Variants in KCNMA1 observed in about 807,000 individuals in gnomAD.
KCNMA1 encodes the protein potassium calcium-activated channel subfamily M alpha 1.
KCNMA1 carries 29 observed loss-of-function variants against 140.0 expected under a neutral mutation model. That is an observed-to-expected ratio of 0.21 (90% confidence interval 0.15 to 0.28). The LOEUF (loss-of-function observed/expected upper bound fraction) is 0.28, where lower values mean the gene tolerates loss of function less well. Among genes scored for constraint, KCNMA1 ranks in the 10% least tolerant of loss-of-function variants. The pLI is 1.00. For missense variants in KCNMA1, 880 were observed against 1,602.2 expected (o/e 0.55, Z 7.70); for synonymous variants, 612 against 611.9 (o/e 1.00, Z 0.00).
chr10:77,049,816 A>G (rs2095288072), intron 14 of KCNMA1, among the ~76,000 whole-genome samples: 1 of 152,224 alleles, frequency 6.6e-6, no homozygotes, highest in South Asian at 2.1e-4. Flanking sequence ...ACCAGGGAGT[A>G]TGTATAACTG....
chr10:77,351,719 C>A (rs1479694408), intron 2 of KCNMA1, among the ~76,000 whole-genome samples: 1 of 152,150 alleles, frequency 6.6e-6, no homozygotes, highest in Non-Finnish European at 1.5e-5. Context: ...TGGAGGGTCC[C>A]CAAGAGATCC....
rs749211698 is a variant in KCNMA1 at position 77,120,989 on chromosome 10, T to G, written c.868A>C (p.Asn290His). The change falls in exon 6 of 28, where the codon AAT (asparagine) becomes CAT (histidine). Residue 290 changes from asparagine (N) to histidine (H), a missense_variant. By Grantham distance (68) the Asn-to-His change is moderately conservative. Transcript: ENST00000286628. ...ACATCTTACCTTGTTTTAAGAATAT[T>G]CAGAAACTGCAAAATTTCTGAAAAC... ...IQFSEILQFL[N>H]ILKTSNSIKL... The G allele has an allele frequency of 3.1e-6, 5 of 1,599,784 alleles. No individual in the cohort carries two copies. Among genetic ancestry groups the G allele is most frequent in the Non-Finnish European group, 4.3e-6 (5 of 1,167,762 alleles).
intron 1 of KCNMA1, among the ~76,000 whole-genome samples, chr10:77,567,879 C>T (rs2068956436): frequency 6.6e-6 from 1 of 152,194 alleles, no homozygotes; most frequent in African/African-American, 2.4e-5. Flanking sequence ...ACTGCTTGAG[C>T]TCAGGAGTCC....
intron 2 of KCNMA1, among the ~76,000 whole-genome samples, chr10:77,384,017 A>G (rs1427468222): frequency 6.6e-6 from 1 of 152,200 alleles, no homozygotes; most frequent in East Asian, 1.9e-4. Flanking sequence ...GTGCGTCACC[A>G]TCAGCTCTCT....
At chr10:77,502,502 T>C (rs1170867146) in intron 1 of KCNMA1, among the ~76,000 whole-genome samples, 1 of 152,140 alleles carries the variant, frequency 6.6e-6, no homozygotes, top group Non-Finnish European at 1.5e-5. Flanking sequence ...TTTTCCATCC[T>C]GGATACTCTA....
intron 1 of KCNMA1, among the ~76,000 whole-genome samples, chr10:77,426,474 C>T (rs543814168): frequency 6.6e-6 from 1 of 152,176 alleles, no homozygotes; most frequent in Non-Finnish European, 1.5e-5. Flanking sequence ...AGGTGAACGA[C>T]TCGAGGTCAC....
intron 20 of KCNMA1, among the ~76,000 whole-genome samples, chr10:76,957,127 CAAAAAAAAAA>C (rs569115924): frequency 2.8e-5 from 2 of 71,372 alleles, no homozygotes; most frequent in Non-Finnish European, 4.9e-5. Context: ...GACTCTGTCT[CAAAAAAAAAA>C]AAAAAAAAAA....
chr10:77,011,225 C>T (rs1230209536), intron 18 of KCNMA1, among the ~76,000 whole-genome samples: 1 of 152,178 alleles, frequency 6.6e-6, no homozygotes, highest in African/African-American at 2.4e-5. Flanking sequence ...CTTCTCAAAG[C>T]AAAGACCACT....
chr10:77,297,217 C>T (rs762715773), intron 2 of KCNMA1, among the ~76,000 whole-genome samples: 9 of 152,194 alleles, frequency 5.9e-5, no homozygotes, highest in Non-Finnish European at 8.8e-5. Flanking sequence ...TTCCCACTGT[C>T]TCTTGTCCCA....
chr10:77,136,236 A>T (rs1439275164), intron 5 of KCNMA1, among the ~76,000 whole-genome samples: 1 of 152,254 alleles, frequency 6.6e-6, no homozygotes. Context: ...AGCAAGAAAA[A>T]TAGAAAGCAG....
chr10:77,352,501 T>C (rs1379850612), intron 2 of KCNMA1, among the ~76,000 whole-genome samples: 1 of 152,210 alleles, frequency 6.6e-6, no homozygotes, highest in East Asian at 1.9e-4. Context: ...ACTCAAAAGG[T>C]GGCTAATGCA....
At chr10:77,090,152 C>T (rs1469393631) in intron 10 of KCNMA1, among the ~76,000 whole-genome samples, 2 of 152,152 alleles carry the variant, frequency 1.3e-5, no homozygotes, top group Non-Finnish European at 2.9e-5. Context: ...GAGATAAACT[C>T]GGATGTGGTC....
intron 1 of KCNMA1, among the ~76,000 whole-genome samples, chr10:77,580,188 T>C (rs935869708): frequency 1.5e-4 from 23 of 152,210 alleles, no homozygotes; most frequent in African/African-American, 5.3e-4. Flanking sequence ...GAGACCATCT[T>C]GGCTAACATA....
chr10:77,031,795 T>C (rs1001980741), intron 15 of KCNMA1, among the ~76,000 whole-genome samples: 1 of 152,230 alleles, frequency 6.6e-6, no homozygotes, highest in Non-Finnish European at 1.5e-5. Flanking sequence ...GAGTTTTTCC[T>C]GTACAGGATG....
Position 76,891,826 on chromosome 10 carries a change from T to C in KCNMA1, c.3148-107A>G, listed in dbSNP as rs1393054361. The C allele has an allele frequency of 1.3e-5, 11 of 859,638 alleles. No individual in the cohort carries two copies. The Admixed American group carries it at 1.6e-4, about 12-fold the overall frequency. The allele number at this position is 859,638 out of a possible 1,614,324, so 53.3% of individuals were successfully genotyped here. A position where few individuals can be genotyped will look rare whatever the true frequency, so the allele number is the denominator to read the frequency against. On this transcript the variant is annotated intron_variant, in intron 25 of 27. Transcript: ENST00000286628. ...TTTCTTGGTATCTCCTGTTTAAAGT[T>C]CTGGCCTGTCTCTTCAAATAATTTC... is the stretch of plus-strand genomic sequence containing the variant.
chr10:77,432,795 C>T (rs1371518859), intron 1 of KCNMA1, among the ~76,000 whole-genome samples: 1 of 152,136 alleles, frequency 6.6e-6, no homozygotes, highest in Admixed American at 6.5e-5. Flanking sequence ...TAAAAAACTA[C>T]CAAACAGGTT....
chr10:77,561,624 G>A (rs1328928039), intron 1 of KCNMA1, among the ~76,000 whole-genome samples: 3 of 152,134 alleles, frequency 2.0e-5, no homozygotes, highest in Non-Finnish European at 2.9e-5. Context: ...AGCTCTCCAC[G>A]TACACCAGAG....
At chr10:77,635,617 G>C (rs1053065436) in intron 1 of KCNMA1, 1 of 152,234 alleles carries the variant, frequency 6.6e-6, no homozygotes, top group Non-Finnish European at 1.5e-5. Context: ...AGGAAGGCTA[G>C]TCAGGGATCT....
chr10:77,108,688 G>T lies in KCNMA1; in HGVS notation c.1132-116C>A. On this transcript the variant is annotated intron_variant, in intron 8 of 27. Coordinates refer to ENST00000286628, the MANE Select transcript of KCNMA1 (RefSeq NM_001161352.2). This position sits in a 1 kb window ranked among gnomAD's most constrained non-coding sequence, Gnocchi z 4.6. The stretch of plus-strand genomic sequence containing the variant: ...AACACAAAAGGATTAGGCCTGCAAA[G>T]GTATATATTGATATGTTGGATCATA... 1.3e-6 allele frequency: 1 copy of T among 768,982 alleles called. No individual in the cohort carries two copies. The highest frequency in any genetic ancestry group is 2.3e-6 in the Non-Finnish European group (1 of 440,306). 47.6% of individuals were successfully genotyped at this position (768,982 alleles called of 1,614,324 possible).
Sources: gnomAD v4.1 joint callset for allele counts (sites outside exome capture counted in the v4.1 genomes callset) on GRCh38, gnomAD v4.1.1 for gene constraint, Gnocchi (gnomAD v3.1) non-coding constraint, MANE v1.5 for transcripts, NCBI Gene and HGNC (gene_info 2026-07-23, HGNC 2026-07-21) for gene names.